DCBLD2: variants seen among roughly 807,000 people sequenced by gnomAD.
The protein encoded by DCBLD2 is discoidin, CUB and LCCL domain-containing protein 2.
Under a neutral mutation model 86.8 loss-of-function variants are expected in DCBLD2, and 54 were observed. That is an observed-to-expected ratio of 0.62 (90% CI 0.50 to 0.78). The LOEUF (loss-of-function observed/expected upper bound fraction) is 0.78. DCBLD2 is among the 30% of genes least tolerant of loss of function. The pLI is 0.00. For synonymous variants in DCBLD2, 354 were observed against 341.3 expected (o/e 1.04, Z -0.41); for missense variants, 908 against 954.2 (o/e 0.95, Z 0.64).
Position 98,801,619 on chromosome 3 carries a change from T to C in DCBLD2, c.1701A>G (p.Leu567=). 6.2e-7 allele frequency: 1 copy of C among 1,610,198 alleles called. No homozygotes were observed. Among genetic ancestry groups the C allele is most frequent in the Non-Finnish European group, 8.5e-7 (1 of 1,178,150 alleles). ...RKKKTEGTYD[L]PYWDRAGWWK... ...AGTTACCTGCCCGGTCCCAGTAAGG[T>C]AAGTCATAGGTGCCTTCAGTTTTTT... The change falls in exon 14 of 16, where the codon TTA becomes TTG. Residue 567 remains leucine, a synonymous_variant. Coordinates refer to ENST00000326840, the MANE Select transcript of DCBLD2 (RefSeq NM_080927.4).
intron 7 of DCBLD2, among the ~76,000 whole-genome samples, chr3:98,819,750 T>C (rs1942085230): frequency 6.6e-6 from 1 of 152,210 alleles, no homozygotes; most frequent in African/African-American, 2.4e-5. Flanking sequence ...CTCCCTGAGG[T>C]CTTCCCTGGG....
At chr3:98,839,145 T>TTTC (rs1942563031) in intron 3 of DCBLD2, among the ~76,000 whole-genome samples, 2 of 3,220 alleles carry the variant, frequency 6.2e-4, no homozygotes, top group African/African-American at 7.1e-4. Context: ...CCTTCCTTCC[T>TTTC]TCTTTCTTTC....
At chr3:98,885,673 T>C (rs1222936725) in intron 1 of DCBLD2, among the ~76,000 whole-genome samples, 1 of 151,394 alleles carries the variant, frequency 6.6e-6, no homozygotes, top group Admixed American at 6.6e-5. Context: ...TAAAGCCTAT[T>C]CCACCAAGAT....
At chr3:98,858,060 C>T (rs1942969476) in intron 2 of DCBLD2, among the ~76,000 whole-genome samples, 1 of 152,222 alleles carries the variant, frequency 6.6e-6, no homozygotes, top group African/African-American at 2.4e-5. Context: ...CACGCAGCAG[C>T]CCACGGTGGG....
At chr3:98,803,496 A>G (rs1302405505) in intron 13 of DCBLD2, among the ~76,000 whole-genome samples, 1 of 152,190 alleles carries the variant, frequency 6.6e-6, no homozygotes, top group Non-Finnish European at 1.5e-5. Flanking sequence ...GCAAACAGGG[A>G]AAATTTGACT....
intron 3 of DCBLD2, among the ~76,000 whole-genome samples, chr3:98,836,379 C>A: frequency 6.7e-6 from 1 of 149,502 alleles, no homozygotes; most frequent in South Asian, 2.1e-4. Context: ...AACGTTAGTT[C>A]CACAGTTAAT....
chr3:98,883,096 T>A (rs1329517732), intron 1 of DCBLD2, among the ~76,000 whole-genome samples: 2 of 152,230 alleles, frequency 1.3e-5, no homozygotes, highest in Middle Eastern at 3.2e-3. Context: ...GTTTCCTGAC[T>A]TTTTAATGAT....
chr3:98,823,592 A>C (rs1191829037), intron 4 of DCBLD2, among the ~76,000 whole-genome samples: 5 of 152,094 alleles, frequency 3.3e-5, no homozygotes, highest in African/African-American at 1.2e-4. Flanking sequence ...CCAGTGGTAG[A>C]AGACATTAAA....
intron 2 of DCBLD2, among the ~76,000 whole-genome samples, chr3:98,867,173 T>C (rs552100341): frequency 6.2e-4 from 94 of 152,374 alleles, no homozygotes; most frequent in African/African-American, 1.5e-3. Flanking sequence ...TGGCTTAGGA[T>C]TGACTTGGCA....
intron 3 of DCBLD2, among the ~76,000 whole-genome samples, chr3:98,829,992 G>A (rs1055354308): frequency 6.6e-6 from 1 of 152,092 alleles, no homozygotes; most frequent in East Asian, 1.9e-4. Flanking sequence ...TCTAAAGATC[G>A]ATGATATTGA....
rs1943572539 is a variant in DCBLD2 at position 98,886,812 on chromosome 3, T to TCC, written c.206-5046_206-5045insGG. Reference sequence around the variant, plus strand: ...TTATTACAGGAAAACCCCCCCCCTTTTTTTTTTTTTTTTACTACTTATCCC... The same window carrying TCC: ...TTATTACAGGAAAACCCCCCCCCTTTCCTTTTTTTTTTTTTACTACTTATCCC... On this transcript the variant is annotated intron_variant, in intron 1 of 15. Transcript: ENST00000326840. Among the ~76,000 whole-genome samples, 14 of 136,780 alleles carry TCC rather than the reference T, an allele frequency of 1.0e-4. No individual in the cohort carries two copies. The South Asian group carries it at 3.1e-3, about 30-fold the overall frequency. 89.7% of individuals were successfully genotyped at this position (136,780 alleles called of 152,430 possible).
intron 2 of DCBLD2, among the ~76,000 whole-genome samples, chr3:98,856,215 G>C (rs778194315): frequency 6.6e-6 from 1 of 152,146 alleles, no homozygotes; most frequent in Non-Finnish European, 1.5e-5. Context: ...GGATCTCACA[G>C]GAGAGTAAGT....
chr3:98,812,762 A>T (rs958716013), intron 9 of DCBLD2: 2 of 240,682 alleles, frequency 8.3e-6, no homozygotes, highest in African/African-American at 4.6e-5. Flanking sequence ...TTTGGGTAAA[A>T]GGTTTCAAAT....
chr3:98,895,007 G>A (rs190028897), intron 1 of DCBLD2, among the ~76,000 whole-genome samples: 11 of 152,148 alleles, frequency 7.2e-5, no homozygotes, highest in Admixed American at 3.9e-4. Flanking sequence ...AAGGCTGATC[G>A]AGAGTTTACC....
chr3:98,887,977 C>T (rs1251790361), intron 1 of DCBLD2, among the ~76,000 whole-genome samples: 2 of 151,922 alleles, frequency 1.3e-5, no homozygotes, highest in Non-Finnish European at 2.9e-5. Flanking sequence ...CCATGTTCCA[C>T]CTGCTCATCT....
Position 98,820,304 on chromosome 3 carries a change from G to GTT in DCBLD2, c.831-18_831-17dup. 3 of 1,450,290 alleles carry GTT rather than the reference G, an allele frequency of 2.1e-6. No homozygotes were observed. The highest frequency in any genetic ancestry group is 3.5e-5 in the South Asian group (2 of 57,012). 89.8% of individuals were successfully genotyped at this position (1,450,290 alleles called of 1,614,324 possible). On this transcript the variant is annotated splice_polypyrimidine_tract_variant and intron_variant, in intron 6 of 15. Transcript: ENST00000326840. ...TAAGTGTCCCCTGAAAGAGAGAAGG[G>GTT]TTTTTTTTGGTGATACTCACATAAC...
intron 1 of DCBLD2, among the ~76,000 whole-genome samples, chr3:98,891,295 G>C (rs1227944616): frequency 6.6e-6 from 1 of 151,940 alleles, no homozygotes; most frequent in East Asian, 1.9e-4. Context: ...TGGTGAATGA[G>C]AGAAGTGGAA....
rs1464516658 is a variant in DCBLD2 at position 98,856,826 on chromosome 3, G to C, written c.434-7228C>G. On this transcript the variant is annotated intron_variant, in intron 2 of 15. Coordinates refer to ENST00000326840, the MANE Select transcript of DCBLD2 (RefSeq NM_080927.4). ...ATTACAGATTCTAACGAAAACATAA[G>C]GAATGTTGAAAAGAAGAAAAAAAAC... Among the ~76,000 whole-genome samples the C allele has an allele frequency of 3.3e-5, 5 of 151,952 alleles. No homozygotes were observed. The East Asian group carries it at 9.6e-4, about 29-fold the overall frequency.
intron 1 of DCBLD2, among the ~76,000 whole-genome samples, chr3:98,882,614 C>A (rs1306449752): frequency 6.6e-6 from 1 of 152,150 alleles, no homozygotes; most frequent in East Asian, 1.9e-4. Flanking sequence ...ATACTCCCTT[C>A]CCTGTGTACG....
Sources: allele counts gnomAD v4.1 joint callset (sites outside exome capture counted in the v4.1 genomes callset), GRCh38; gene constraint gnomAD v4.1.1; transcripts MANE v1.5; gene names NCBI Gene and HGNC (gene_info 2026-07-23, HGNC 2026-07-21).